The following RNF2 variants were observed in gnomAD, a reference collection of about 807,000 sequenced individuals.
RNF2 encodes the protein ring finger protein 2.
In RNF2, 6 loss-of-function variants were observed where a neutral mutation model predicts 37.2. That is an observed-to-expected ratio of 0.16 (90% CI 0.09 to 0.32). The LOEUF is 0.32. Ranked by LOEUF, RNF2 falls within the 10% of genes least tolerant of loss-of-function variation. The pLI is 1.00. For synonymous variants in RNF2, 133 were observed against 132.7 expected, an observed-to-expected ratio of 1.00 and a Z score of -0.02; for missense variants, 251 against 404.0, an observed-to-expected ratio of 0.62 and a Z score of 3.25.
In RNF2 at chr1:185,098,238, A is replaced by G. The variant is rs1265051416; in HGVS notation, c.631A>G (p.Asn211Asp). 1 of 1,614,220 alleles carries G rather than the reference A, an allele frequency of 6.2e-7. No individual in the cohort carries two copies. The highest frequency in any genetic ancestry group is 1.1e-5 in the South Asian group (1 of 91,092). ...TTCTGGGCTAGAGCTTGATAATAAC[A>G]ATGCAGCAATGGCAATTGATCCAGT... is the stretch of plus-strand genomic sequence containing the variant. ...DDSGLELDNN[N>D]AAMAIDPVMD... Residue 211 changes from asparagine to aspartate, a missense_variant, in exon 5 of 7, where the codon AAT (asparagine) becomes GAT (aspartate). Asn to Asp is a conservative substitution (Grantham distance 23, BLOSUM62 1). Around this residue, in one of 7 missense-constraint regions of RNF2, gnomAD observed 94 missense variants for 99.2 expected, o/e 0.95. Transcript: ENST00000367510.
intron 4 of RNF2, among the ~76,000 whole-genome samples, chr1:185,094,834 A>T (rs749520623): frequency 1.3e-5 from 2 of 152,152 alleles, no homozygotes; most frequent in Non-Finnish European, 2.9e-5. Context: ...TCAGGCCTCA[A>T]GGAGAATCAT....
At position 185,069,537 on chromosome 1, in the gene RNF2, G is replaced by A. The variant is rs191749729; in HGVS notation, c.-2-18015G>A. Among the ~76,000 whole-genome samples, 352 of 151,818 alleles carry A rather than the reference G, an allele frequency of 2.3e-3. 3 individuals carry two copies. The highest frequency in any genetic ancestry group is 0.01 in the Middle Eastern group (3 of 292). The stretch of plus-strand genomic sequence containing the variant: ...AAGGGCTGAGCTATGAGTTCACAGT[G>A]ATCCAGCACATGCTAGGGTCTCACT... On this transcript the variant is annotated intron_variant, in intron 1 of 6. Coordinates refer to ENST00000367510, the MANE Select transcript of RNF2 (RefSeq NM_007212.4).
chr1:185,059,274 A>C (rs996298443), intron 1 of RNF2, among the ~76,000 whole-genome samples: 24 of 151,086 alleles, frequency 1.6e-4, no homozygotes, highest in African/African-American at 5.6e-4. Context: ...CTTTTTCTGC[A>C]AAAGAAAATC....
In RNF2 at chr1:185,098,411, C is replaced by T. The variant is rs1240811909; in HGVS notation, c.737+67C>T. On this transcript the variant is annotated intron_variant, in intron 5 of 6. Transcript: ENST00000367510. ...GTTTAATTTGGAGGTAAAAGGCAGT[C>T]TTGTATAAGAAGTAGGAGCAATATT... is the stretch of plus-strand genomic sequence containing the variant. 2.6e-6 allele frequency: 4 copies of T among 1,541,288 alleles called. No homozygotes were observed. The African/African-American group carries it at 5.4e-5, about 21-fold the overall frequency.
chr1:185,065,062 T>C (rs1374176754), intron 1 of RNF2, among the ~76,000 whole-genome samples: 1 of 152,184 alleles, frequency 6.6e-6, no homozygotes, highest in African/African-American at 2.4e-5. Flanking sequence ...CTTGGAGAAC[T>C]TTTCTGTCTA....
At chr1:185,066,848 G>C (rs12126822) in intron 1 of RNF2, among the ~76,000 whole-genome samples, 1,923 of 152,300 alleles carry the variant, frequency 0.013, 27 homozygotes, top group Non-Finnish European at 0.022. Flanking sequence ...TAGTAGTAGT[G>C]TTAGAGGAGA....
Position 185,060,214 on chromosome 1 carries a change from A to G in RNF2, c.-3+14565A>G, listed in dbSNP as rs191780284. 3.4e-3 allele frequency among the ~76,000 whole-genome samples: 516 copies of G among 152,316 alleles called. 18 individuals carry two copies. Among genetic ancestry groups the G allele is most frequent in the Admixed American group, 0.028 (424 of 15,298 alleles). On this transcript the variant is annotated intron_variant, in intron 1 of 6. Coordinates refer to ENST00000367510, the MANE Select transcript of RNF2 (RefSeq NM_007212.4). ...GTTTGTCTTTAATTCAGATCTGTGT[A>G]AATCTTTTAGCTTTGCTTTATGCCT...
intron 1 of RNF2, among the ~76,000 whole-genome samples, chr1:185,054,846 C>T (rs930890151): frequency 4.6e-5 from 7 of 151,970 alleles, no homozygotes; most frequent in Admixed American, 6.5e-5. Flanking sequence ...CACAGGCGGG[C>T]GCCGCCACGC....
intron 1 of RNF2, among the ~76,000 whole-genome samples, chr1:185,077,625 G>GTTTTTTTTTTTTTTTTTTTTTTTTTTTT (rs528747420): frequency 8.6e-6 from 1 of 115,694 alleles, no homozygotes; most frequent in African/African-American, 3.3e-5. Context: ...AATTAACTTT[G>GTTTTTTTTTTTTTTTTTTTTTTTTTTTT]TTTTTTTTTT....
intron 3 of RNF2, among the ~76,000 whole-genome samples, chr1:185,092,434 C>G (rs894587490): frequency 2.6e-5 from 4 of 152,174 alleles, no homozygotes; most frequent in Non-Finnish European, 4.4e-5. Flanking sequence ...CTCGGCCTCC[C>G]AAAGTACTGA....
intron 1 of RNF2, among the ~76,000 whole-genome samples, chr1:185,051,319 T>A (rs750124241): frequency 6.6e-6 from 1 of 152,214 alleles, no homozygotes; most frequent in Non-Finnish European, 1.5e-5. Flanking sequence ...TAGTAGGAGT[T>A]GCAGAATTGA....
chr1:185,064,237 C>A (rs1443837179), intron 1 of RNF2, among the ~76,000 whole-genome samples: 1 of 152,180 alleles, frequency 6.6e-6, no homozygotes, highest in Non-Finnish European at 1.5e-5. Context: ...CAGGAACAAT[C>A]TTCAATTTCT....
chr1:185,051,355 T>C (rs1650267156), intron 1 of RNF2, among the ~76,000 whole-genome samples: 1 of 152,216 alleles, frequency 6.6e-6, no homozygotes. Context: ...TTTCTAGGTC[T>C]GGTTCCACTA....
intron 5 of RNF2, among the ~76,000 whole-genome samples, chr1:185,099,354 A>C (rs1652010733): frequency 6.6e-6 from 1 of 152,198 alleles, no homozygotes; most frequent in African/African-American, 2.4e-5. Flanking sequence ...GGCCCAAATG[A>C]ACATTTCTAT....
Position 185,082,345 on chromosome 1 carries a change from C to CTTTTTTTTTTTTTTTTTT in RNF2, c.-2-5202_-2-5185dup, listed in dbSNP as rs3036553. 2.4e-3 allele frequency among the ~76,000 whole-genome samples: 172 copies of CTTTTTTTTTTTTTTTTTT among 71,976 alleles called. 26 individuals are homozygous for CTTTTTTTTTTTTTTTTTT. The highest frequency in any genetic ancestry group is 0.019 in the Middle Eastern group (3 of 160). 47.2% of individuals were successfully genotyped at this position (71,976 alleles called of 152,430 possible). On this transcript the variant is annotated intron_variant, in intron 1 of 6. Coordinates refer to ENST00000367510, the MANE Select transcript of RNF2 (RefSeq NM_007212.4). ...CAAGGTTCTTGTCTCCTCTGCAGAA[C>CTTTTTTTTTTTTTTTTTT]TTTTTTTTTTTTTTTTTTTTTTGAA...
chr1:185,079,556 G>A (rs1473281588), intron 1 of RNF2, among the ~76,000 whole-genome samples: 1 of 152,062 alleles, frequency 6.6e-6, no homozygotes, highest in Non-Finnish European at 1.5e-5. Context: ...TGCTTTTAAA[G>A]CCAACCTCCT....
chr1:185,059,141 G>C (rs1349584859), intron 1 of RNF2, among the ~76,000 whole-genome samples: 2 of 151,564 alleles, frequency 1.3e-5, no homozygotes, highest in Non-Finnish European at 2.9e-5. Context: ...GGCCAGAAGA[G>C]AAGAGAGAGA....
At chr1:185,084,834 G>GTGTC (rs1651533187) in intron 1 of RNF2, among the ~76,000 whole-genome samples, 1 of 152,204 alleles carries the variant, frequency 6.6e-6, no homozygotes, top group Non-Finnish European at 1.5e-5. Flanking sequence ...GCCATAGCAG[G>GTGTC]TGTCTAATAA....
intron 1 of RNF2, among the ~76,000 whole-genome samples, chr1:185,075,965 C>T (rs1171598751): frequency 6.6e-6 from 1 of 152,054 alleles, no homozygotes; most frequent in Non-Finnish European, 1.5e-5. Flanking sequence ...AAGTTTAGCA[C>T]AGTTTAATTT....
Sources: allele counts gnomAD v4.1 joint callset (sites outside exome capture counted in the v4.1 genomes callset), GRCh38; gene constraint gnomAD v4.1.1; regional missense constraint gnomAD v4.1.1; transcripts MANE v1.5; gene names NCBI Gene and HGNC (gene_info 2026-07-23, HGNC 2026-07-21).